AVEN: variants seen among roughly 807,000 people sequenced by gnomAD.
AVEN encodes the protein apoptosis and caspase activation inhibitor, also known as cell death regulator Aven.
A neutral mutation model predicts 38.1 loss-of-function variants in AVEN; 41 were observed. That is an observed-to-expected ratio of 1.08 (90% confidence interval 0.84 to 1.40). The LOEUF is 1.40. AVEN is among the 40% of genes most tolerant of loss of function. AVEN has a pLI of 0.00. For missense variants in AVEN, 605 were observed against 438.8 expected, an observed-to-expected ratio of 1.38 and a Z score of -3.38; for synonymous variants, 206 against 171.8, an observed-to-expected ratio of 1.20 and a Z score of -1.56.
intron 5 of AVEN, among the ~76,000 whole-genome samples, chr15:34,053,318 AAATATAT>A: frequency 9.8e-6 from 1 of 101,972 alleles, no homozygotes; most frequent in African/African-American, 3.6e-5. Context: ...AAAAAAAAAA[AAATATAT>A]ATATATATAT....
chr15:34,050,525 C>G (rs1335490695), intron 5 of AVEN, among the ~76,000 whole-genome samples: 2 of 152,104 alleles, frequency 1.3e-5, no homozygotes, highest in Non-Finnish European at 2.9e-5. Flanking sequence ...CGTAAATAGG[C>G]TAAATGCCCC....
intron 2 of AVEN, among the ~76,000 whole-genome samples, chr15:33,889,372 C>T (rs771818322): frequency 1.3e-5 from 2 of 152,160 alleles, no homozygotes; most frequent in Non-Finnish European, 2.9e-5. Flanking sequence ...AGATTTCTTG[C>T]TTTTATTGCT....
At chr15:33,870,193 C>T (rs553471389) in intron 4 of AVEN, among the ~76,000 whole-genome samples, 2 of 152,208 alleles carry the variant, frequency 1.3e-5, no homozygotes, top group African/African-American at 4.8e-5. Flanking sequence ...CCATCTCCAC[C>T]GTCATTACTG....
chr15:33,944,672 G>C (rs574991817), intron 2 of AVEN, among the ~76,000 whole-genome samples: 7 of 152,180 alleles, frequency 4.6e-5, no homozygotes, highest in African/African-American at 1.7e-4. Context: ...AGCCGGGCGT[G>C]GTGGCCGGCG....
intron 2 of AVEN, among the ~76,000 whole-genome samples, chr15:33,994,295 G>A (rs1357419297): frequency 1.3e-5 from 2 of 152,154 alleles, no homozygotes; most frequent in African/African-American, 2.4e-5. Flanking sequence ...CAGGTTGCAC[G>A]CTCCTTATGA....
chr15:34,038,891 G>GCCCCGGCGTCCGCCTCCGT lies in AVEN; in HGVS notation c.137_155dup (p.Gly54ArgfsTer44), dbSNP rs1899311023. 5 of 1,135,794 alleles carry GCCCCGGCGTCCGCCTCCGT rather than the reference G, an allele frequency of 4.4e-6. No individual in the cohort carries two copies. Among genetic ancestry groups the GCCCCGGCGTCCGCCTCCGT allele is most frequent in the Non-Finnish European group, 5.4e-6 (5 of 931,282 alleles). The allele number at this position is 1,135,794 out of a possible 1,614,324, so 70.4% of individuals were successfully genotyped here. ...CGCGGAAGCCCCGGCCACGGCCACG[G>GCCCCGGCGTCCGCCTCCGT]CCCCGGCGTCCGCCTCCGTCCCCGC... On this transcript the variant is annotated frameshift_variant, in exon 1 of 6. Transcript: ENST00000306730. LOFTEE classifies it high-confidence loss of function.
At chr15:33,991,565 T>C (rs1382876396) in intron 2 of AVEN, 1 of 151,754 alleles carries the variant, frequency 6.6e-6, no homozygotes, top group East Asian at 1.9e-4. Context: ...ATTGAATGTT[T>C]GCTGAAATTT....
At chr15:33,866,800 A>G in intron 5 of AVEN, 72 bp from the exon 6 acceptor site, 1 of 1,077,234 alleles carries the variant, frequency 9.3e-7, no homozygotes, top group Non-Finnish European at 1.4e-6. Flanking sequence ...AGCCCAATTT[A>G]TTACTTTCCT....
At chr15:33,988,097 C>T (rs1353600009) in intron 2 of AVEN, among the ~76,000 whole-genome samples, 1 of 152,236 alleles carries the variant, frequency 6.6e-6, no homozygotes, top group Admixed American at 6.5e-5. Context: ...GGCTTCTGTC[C>T]AGGTGCCTGC....
At chr15:33,919,151 G>A (rs1464749402) in intron 2 of AVEN, among the ~76,000 whole-genome samples, 2 of 152,040 alleles carry the variant, frequency 1.3e-5, no homozygotes, top group Non-Finnish European at 2.9e-5. Context: ...TCAAATGCCT[G>A]ACCTCGTGAT....
chr15:33,917,351 GGTGTGTGTGT>G (rs148147589), intron 2 of AVEN, among the ~76,000 whole-genome samples: 2 of 140,340 alleles, frequency 1.4e-5, no homozygotes, highest in African/African-American at 5.2e-5. Flanking sequence ...AAGAAAATGT[GGTGTGTGTGT>G]GTGTGTGTGT....
chr15:33,977,300 T>C (rs1294252615), intron 2 of AVEN, among the ~76,000 whole-genome samples: 3 of 152,196 alleles, frequency 2.0e-5, no homozygotes, highest in Non-Finnish European at 4.4e-5. Context: ...CTTTTTCTCA[T>C]ATATTGGTAG....
Position 33,961,125 on chromosome 15 carries a change from C to T in AVEN, c.445+41907G>A, listed in dbSNP as rs539937795. 3.3e-5 allele frequency among the ~76,000 whole-genome samples: 5 copies of T among 151,936 alleles called. No homozygotes were observed. In the East Asian group the frequency reaches 9.7e-4, roughly 29 times the overall value. ...AAGCAATCCTCCTGCCTCAGCCTTC[C>T]GAGTAGCTGGGATTACAGGTACACA... is the stretch of plus-strand genomic sequence containing the variant. On this transcript the variant is annotated intron_variant, in intron 2 of 5. Transcript: ENST00000306730.
chr15:33,966,624 AC>A (rs1309529305), intron 2 of AVEN, among the ~76,000 whole-genome samples: 1 of 146,372 alleles, frequency 6.8e-6, no homozygotes, highest in African/African-American at 2.5e-5. Context: ...CATATTCACC[AC>A]CCCCATTCTC....
chr15:33,853,132 G>A, the AVEN span: 4 of 1,486,132 alleles, frequency 2.7e-6, 1 homozygote, highest in East Asian at 2.3e-5. Flanking sequence ...ACCAAAAAAT[G>A]TGGTGTATGT....
chr15:33,874,138 A>G (rs968249627), intron 3 of AVEN, among the ~76,000 whole-genome samples: 1 of 152,088 alleles, frequency 6.6e-6, no homozygotes, highest in Non-Finnish European at 1.5e-5. Flanking sequence ...GTAATAAAAG[A>G]GCTCATTTTG....
At chr15:33,880,767 G>A (rs577525906) in intron 2 of AVEN, among the ~76,000 whole-genome samples, 1 of 152,048 alleles carries the variant, frequency 6.6e-6, no homozygotes, top group Non-Finnish European at 1.5e-5. Flanking sequence ...AGAAACAAGA[G>A]TTAACTGAAA....
chr15:33,862,363 T>G (rs1888594240), downstream of AVEN, among the ~76,000 whole-genome samples: 1 of 103,662 alleles, frequency 9.6e-6, no homozygotes, highest in South Asian at 4.3e-4. Flanking sequence ...ACCACTAATT[T>G]AGCACCAGCT....
rs745763980 is a variant in AVEN, at chr15:34,003,082, C to T, written c.395G>A (p.Ser132Asn). ...QDIEKEVNNE[S>N]GESQRGTDFS... ...ATCTGTTCCCCTCTGTGACTCTCCA[C>T]TTTCATTATTGACCTCTTTTTCAAT... Residue 132 changes from serine to asparagine, a missense_variant, in exon 2 of 6, where the codon AGT (serine) becomes AAT (asparagine). By Grantham distance (46) the Ser-to-Asn change is conservative. Transcript: ENST00000306730. 3 of 1,613,884 alleles carry T rather than the reference C, an allele frequency of 1.9e-6. No individual in the cohort carries two copies. Among genetic ancestry groups the T allele is most frequent in the African/African-American group, 2.7e-5 (2 of 74,920 alleles).
Sources: gnomAD v4.1 joint callset for allele counts (sites outside exome capture counted in the v4.1 genomes callset) on GRCh38, gnomAD v4.1.1 for gene constraint, MANE v1.5 for transcripts, NCBI Gene and HGNC (gene_info 2026-07-23, HGNC 2026-07-21) for gene names.